KLF13: variants seen among roughly 807,000 people sequenced by gnomAD.
KLF13 encodes Krueppel-like factor 13.
KLF13 carries 8 observed loss-of-function variants against 16.7 expected under a neutral mutation model. The ratio of observed to expected loss-of-function variants is 0.48; its 90% CI spans 0.28 to 0.87. The LOEUF is 0.87. KLF13 is among the 40% of genes least tolerant of loss of function. The pLI, the probability that KLF13 is intolerant of heterozygous loss-of-function variation, is 0.10. For missense variants in KLF13, 447 were observed against 452.2 expected (o/e 0.99, Z 0.10); for synonymous variants, 245 against 208.4 (o/e 1.18, Z -1.51).
intron 1 of KLF13, among the ~76,000 whole-genome samples, chr15:31,430,393 A>C (rs772510201): frequency 6.6e-6 from 1 of 152,224 alleles, no homozygotes; most frequent in South Asian, 2.1e-4. Flanking sequence ...TATAAAGAAC[A>C]GAAATTAATT....
At chr15:31,332,115 G>A (rs1474469168) in intron 1 of KLF13, among the ~76,000 whole-genome samples, 1 of 152,148 alleles carries the variant, frequency 6.6e-6, no homozygotes, top group Non-Finnish European at 1.5e-5. Flanking sequence ...GTGTGTCTTG[G>A]TGCAGAGGAG....
At chr15:31,405,373 A>G (rs78658270), downstream of KLF13, among the ~76,000 whole-genome samples, 2,372 of 152,362 alleles carry the variant, frequency 0.016, 44 homozygotes, top group African/African-American at 0.045. Context: ...CTCTTCTGCC[A>G]GGTGAGGCCA....
intron 1 of KLF13, among the ~76,000 whole-genome samples, chr15:31,422,888 T>G (rs888411283): frequency 1.6e-3 from 237 of 151,260 alleles, no homozygotes; most frequent in African/African-American, 5.5e-3. Flanking sequence ...ACAAAAAAAA[T>G]TAGCTGGGCT....
intron 1 of KLF13, among the ~76,000 whole-genome samples, chr15:31,330,843 G>A (rs778721672): frequency 6.6e-5 from 10 of 152,324 alleles, no homozygotes; most frequent in Admixed American, 2.6e-4. Context: ...TAGAACTTCC[G>A]AGTCCAGACC....
intron 1 of KLF13, among the ~76,000 whole-genome samples, chr15:31,423,139 G>GTATATATACGTATATATGTATA (rs1491468052): frequency 6.6e-5 from 1 of 15,156 alleles, no homozygotes; most frequent in African/African-American, 9.1e-4. Flanking sequence ...ATACGTATAC[G>GTATATATACGTATATATGTATA]TATACGTATA....
chr15:31,395,457 T>C (rs1409070197), intron 2 of KLF13, among the ~76,000 whole-genome samples: 1 of 150,816 alleles, frequency 6.6e-6, no homozygotes, highest in Non-Finnish European at 1.5e-5. Flanking sequence ...TTTTTCCTTA[T>C]TTATTTATTT....
chr15:31,376,995 TG>T lies in KLF13; in HGVS notation c.*4701del, dbSNP rs2039657984. On this transcript the variant is annotated 3_prime_UTR_variant, in exon 2 of 2. Coordinates refer to ENST00000307145, the MANE Select transcript of KLF13 (RefSeq NM_015995.4). ...GGTGGGGGGTGGAGGCAGGAAGTCATGGGGGTGGGGGTGGGAGCACGGGAAC... is the reference window on the plus strand; with the variant it reads ...GGTGGGGGGTGGAGGCAGGAAGTCATGGGGTGGGGGTGGGAGCACGGGAAC... 1 of 3,590 alleles carries T rather than the reference TG, an allele frequency of 2.8e-4. No individual in the cohort carries two copies. The highest frequency in any genetic ancestry group is 1.6e-3 in the African/African-American group (1 of 636). 0.2% of individuals were successfully genotyped at this position (3,590 alleles called of 1,614,324 possible).
chr15:31,411,238 T>G (rs914282086), intron 1 of KLF13, among the ~76,000 whole-genome samples: 1 of 152,170 alleles, frequency 6.6e-6, no homozygotes, highest in Admixed American at 6.5e-5. Context: ...AATTAACATA[T>G]TGAATCCAGC....
intron 1 of KLF13, among the ~76,000 whole-genome samples, chr15:31,435,205 C>T (rs950525360): frequency 6.6e-6 from 1 of 152,080 alleles, no homozygotes; most frequent in African/African-American, 2.4e-5. Context: ...GGGCCTTTGT[C>T]ACAGTAAGGG....
At chr15:31,357,256 T>G (rs1311860179) in intron 1 of KLF13, among the ~76,000 whole-genome samples, 1 of 152,102 alleles carries the variant, frequency 6.6e-6, no homozygotes, top group Non-Finnish European at 1.5e-5. Context: ...GCGGTGAGGA[T>G]GTTAGTGACA....
At position 31,340,354 on chromosome 15, in the gene KLF13, C is replaced by T. The variant is rs1262283127; in HGVS notation, c.577+12565C>T. Among the ~76,000 whole-genome samples the T allele has an allele frequency of 3.3e-5, 5 of 152,368 alleles. 1 individual carries two copies. Among genetic ancestry groups the T allele is most frequent in the African/African-American group, 4.8e-5 (2 of 41,588 alleles). ...GTTTTGGAATGAGTGCCTGGTGTTGCTTGTGCACACCCCAAGCCTCCTGGC... is the reference window on the plus strand; with the variant it reads ...GTTTTGGAATGAGTGCCTGGTGTTGTTTGTGCACACCCCAAGCCTCCTGGC... On this transcript the variant is annotated intron_variant, in intron 1 of 1. Coordinates refer to ENST00000307145, the MANE Select transcript of KLF13 (RefSeq NM_015995.4).
intron 1 of KLF13, among the ~76,000 whole-genome samples, chr15:31,383,798 A>T (rs539538481): frequency 6.6e-6 from 1 of 152,180 alleles, no homozygotes; most frequent in South Asian, 2.1e-4. Flanking sequence ...GCTACTCGGG[A>T]GGCTGAGGCA....
chr15:31,398,217 C>T (rs1418907063), intron 2 of KLF13, among the ~76,000 whole-genome samples: 1 of 152,190 alleles, frequency 6.6e-6, no homozygotes, highest in Non-Finnish European at 1.5e-5. Context: ...GATTCTCCAA[C>T]CCTAGTTGAA....
chr15:31,340,139 C>T (rs1185941232), intron 1 of KLF13, among the ~76,000 whole-genome samples: 1 of 152,184 alleles, frequency 6.6e-6, no homozygotes, highest in Non-Finnish European at 1.5e-5. Context: ...CTATTTGGGT[C>T]CCTTCTCACG....
At chr15:31,339,282 A>G (rs2038983079) in intron 1 of KLF13, among the ~76,000 whole-genome samples, 1 of 152,130 alleles carries the variant, frequency 6.6e-6, no homozygotes, top group Non-Finnish European at 1.5e-5. Context: ...AAGAATGACT[A>G]AGATACCAAA....
chr15:31,370,044 CTTTTTTTT>C (rs912005994), intron 1 of KLF13, among the ~76,000 whole-genome samples: 1 of 99,302 alleles, frequency 1.0e-5, no homozygotes, highest in African/African-American at 3.8e-5. Flanking sequence ...TCTCCTTTTT[CTTTTTTTT>C]TTTTTTTTTT....
intron 1 of KLF13, among the ~76,000 whole-genome samples, chr15:31,339,233 G>A (rs1038748863): frequency 6.6e-6 from 1 of 152,168 alleles, no homozygotes; most frequent in Non-Finnish European, 1.5e-5. Context: ...AAGTTTCTAG[G>A]ATGGGTTTCT....
At chr15:31,396,515 T>C (rs1460396842) in intron 2 of KLF13, among the ~76,000 whole-genome samples, 2 of 152,154 alleles carry the variant, frequency 1.3e-5, no homozygotes, top group Non-Finnish European at 2.9e-5. Context: ...GGAGTGCTGA[T>C]TGGTCAGTGA....
chr15:31,356,714 T>A (rs1488734778), intron 1 of KLF13, among the ~76,000 whole-genome samples: 1 of 152,200 alleles, frequency 6.6e-6, no homozygotes, highest in Non-Finnish European at 1.5e-5. Context: ...GTGGGAATGG[T>A]TTACTCGTGC....
Sources: allele counts gnomAD v4.1 joint callset (sites outside exome capture counted in the v4.1 genomes callset), GRCh38; gene constraint gnomAD v4.1.1; transcripts MANE v1.5; gene names NCBI Gene and HGNC (gene_info 2026-07-23, HGNC 2026-07-21).